Variants in ULK2 observed in about 807,000 individuals in gnomAD.
ULK2 encodes the protein serine/threonine-protein kinase ULK2.
A neutral mutation model predicts 127.5 loss-of-function variants in ULK2; 76 were observed. The ratio of observed to expected loss-of-function variants is 0.60; its 90% CI spans 0.50 to 0.72. The LOEUF is 0.72. Ranked by LOEUF, ULK2 falls within the 30% of genes least tolerant of loss-of-function variation. The pLI is 0.00. For synonymous variants in ULK2, 452 were observed against 461.9 expected, an observed-to-expected ratio of 0.98 and a Z score of 0.28; for missense variants, 1,144 against 1,295.9, an observed-to-expected ratio of 0.88 and a Z score of 1.80.
At chr17:19,828,661 T>A (rs1277865591) in intron 10 of ULK2, among the ~76,000 whole-genome samples, 1 of 152,110 alleles carries the variant, frequency 6.6e-6, no homozygotes, top group Non-Finnish European at 1.5e-5. Flanking sequence ...ATGGGAGAAA[T>A]GTGGGACAAA....
At chr17:19,864,737 C>A in intron 3 of ULK2, 66 bp downstream of exon 3, 1 of 603,084 alleles carries the variant, frequency 1.7e-6, no homozygotes, top group South Asian at 5.8e-5. Flanking sequence ...TATTAAGAGT[C>A]ACTTAAATCT....
chr17:19,831,764 T>C (rs1040125304), intron 10 of ULK2, among the ~76,000 whole-genome samples: 3 of 151,812 alleles, frequency 2.0e-5, no homozygotes. Flanking sequence ...GAGGCAGGGG[T>C]TGTAGTGAGT....
intron 3 of ULK2, among the ~76,000 whole-genome samples, chr17:19,863,008 G>A (rs1485386202): frequency 1.3e-5 from 2 of 152,094 alleles, no homozygotes; most frequent in East Asian, 3.9e-4. Context: ...GAGGTCAGGA[G>A]TTCGAGACCA....
At chr17:19,842,666 AGAG>A (rs1027694605) in intron 8 of ULK2, among the ~76,000 whole-genome samples, 4 of 152,126 alleles carry the variant, frequency 2.6e-5, no homozygotes, top group Admixed American at 6.6e-5. Flanking sequence ...ATGTTGGGGG[AGAG>A]GAGGAGAAGA....
Position 19,853,575 on chromosome 17 carries a change from C to CT in ULK2, c.226-3802dup, listed in dbSNP as rs112448802. Among the ~76,000 whole-genome samples, 416 of 144,202 alleles carry CT rather than the reference C, an allele frequency of 2.9e-3. 1 individual carries two copies. The highest frequency in any genetic ancestry group is 4.3e-3 in the Non-Finnish European group (281 of 65,344). 94.6% of individuals were successfully genotyped at this position (144,202 alleles called of 152,430 possible). On this transcript the variant is annotated intron_variant, in intron 3 of 26. Transcript: ENST00000395544. Reference sequence around the variant, plus strand: ...CATTCCTACAATTCGGCCCCACCTTCTTTTTTTTTTTTTGAGACAAGAGTC... The same window carrying CT: ...CATTCCTACAATTCGGCCCCACCTTCTTTTTTTTTTTTTTGAGACAAGAGTC...
At chr17:19,840,472 T>G (rs2041717787) in intron 9 of ULK2, 3 of 463,004 alleles carry the variant, frequency 6.5e-6, no homozygotes, top group African/African-American at 4.1e-5. Context: ...GAAAAACTTA[T>G]CCGGGAAGGA....
At chr17:19,783,931 C>T in intron 21 of ULK2, 26 bp from the exon 22 acceptor site, 1 of 1,441,144 alleles carries the variant, frequency 6.9e-7, no homozygotes, top group South Asian at 1.6e-5. Flanking sequence ...GGATACATGG[C>T]AGTGTCCAGA....
At chr17:19,844,655 T>C (rs1192178036) in intron 7 of ULK2, among the ~76,000 whole-genome samples, 3 of 152,064 alleles carry the variant, frequency 2.0e-5, no homozygotes, top group Admixed American at 6.6e-5. Flanking sequence ...CAGTTCAAAG[T>C]TGATTTTAGT....
intron 20 of ULK2, among the ~76,000 whole-genome samples, chr17:19,791,801 T>C (rs997806282): frequency 1.5e-5 from 2 of 132,064 alleles, no homozygotes; most frequent in Admixed American, 1.9e-4. Context: ...GAGATTGCAG[T>C]GCACCAAGAT....
rs1239393858 is a variant in ULK2, at chr17:19,811,335, T to C, written c.1097-897A>G. The C allele has an allele frequency of 2.6e-5, 4 of 151,744 alleles. No homozygotes were observed. The East Asian group carries it at 7.7e-4, about 29-fold the overall frequency. The allele number at this position is 151,744 out of a possible 1,614,324, so 9.4% of individuals were successfully genotyped here. A position where few individuals can be genotyped will look rare whatever the true frequency, so the allele number is the denominator to read the frequency against. ...TACATAATTTTCAAACGAAATTAAA[T>C]CAAAAGAAAATAAAATCCCTAAAAA... On this transcript the variant is annotated intron_variant, in intron 13 of 26. Coordinates refer to ENST00000395544, the MANE Select transcript of ULK2 (RefSeq NM_014683.4).
chr17:19,864,979 AAAG>A lies in ULK2; in HGVS notation c.184-138_184-136del, dbSNP rs1442386917. ...ATATTAAGACTATAAAAATTCAATT[AAAG>A]AATAAGAAATGTGCCTGATCAAACA... On this transcript the variant is annotated intron_variant, in intron 2 of 26. Coordinates refer to ENST00000395544, the MANE Select transcript of ULK2 (RefSeq NM_014683.4). 1.0e-4 allele frequency: 35 copies of A among 335,208 alleles called. No homozygotes were observed. In the East Asian group the frequency reaches 1.2e-3, roughly 11 times the overall value. 20.8% of individuals were successfully genotyped at this position (335,208 alleles called of 1,614,324 possible).
chr17:19,830,500 C>A (rs908245690), intron 10 of ULK2, among the ~76,000 whole-genome samples: 2 of 151,942 alleles, frequency 1.3e-5, no homozygotes, highest in African/African-American at 4.8e-5. Flanking sequence ...CCATGCCTGG[C>A]CCATAAATTT....
intron 17 of ULK2, among the ~76,000 whole-genome samples, chr17:19,798,990 G>A (rs1210158165): frequency 4.0e-5 from 6 of 150,704 alleles, no homozygotes; most frequent in Non-Finnish European, 7.4e-5. Context: ...GTGAAACCCC[G>A]TCTCTACTAA....
In ULK2 at chr17:19,797,600, G is replaced by A; in HGVS notation, c.1605C>T (p.Ile535=). ...TTCTGAGCTTCTGCTTGTTCTGATA[G>A]ATGTCAGTGAGGGTGGGGGCGCTCT... ...RLQSAPTLTD[I]YQNKQKLRKQ... The change falls in exon 18 of 27, where the codon ATC becomes ATT. Residue 535 remains isoleucine, a synonymous_variant. Transcript: ENST00000395544. The A allele has an allele frequency of 6.2e-7, 1 of 1,613,776 alleles. No homozygotes were observed. The highest frequency in any genetic ancestry group is 8.5e-7 in the Non-Finnish European group (1 of 1,179,954).
At chr17:19,847,696 T>C (rs1407605250) in intron 5 of ULK2, among the ~76,000 whole-genome samples, 1 of 152,114 alleles carries the variant, frequency 6.6e-6, no homozygotes, top group Non-Finnish European at 1.5e-5. Context: ...ACTACAGGCA[T>C]GTATCACCAT....
intron 10 of ULK2, among the ~76,000 whole-genome samples, chr17:19,827,131 C>T (rs1340839675): frequency 6.6e-6 from 1 of 152,148 alleles, no homozygotes; most frequent in African/African-American, 2.4e-5. Flanking sequence ...TTTAGTCCAA[C>T]TTTACAAAAC....
At chr17:19,818,755 C>T (rs969012322) in intron 12 of ULK2, among the ~76,000 whole-genome samples, 1 of 151,484 alleles carries the variant, frequency 6.6e-6, no homozygotes, top group Non-Finnish European at 1.5e-5. Context: ...ATCCCTAAAA[C>T]CCTCTCAAAT....
intron 20 of ULK2, among the ~76,000 whole-genome samples, chr17:19,792,448 T>C (rs2087175303): frequency 6.6e-6 from 1 of 152,250 alleles, no homozygotes. Flanking sequence ...CATTATGTGA[T>C]GATGCAGCAA....
At chr17:19,836,480 G>A (rs2041601100) in intron 10 of ULK2, among the ~76,000 whole-genome samples, 1 of 152,076 alleles carries the variant, frequency 6.6e-6, no homozygotes, top group African/African-American at 2.4e-5. Flanking sequence ...TACTTGGGAG[G>A]CTGAGGCAGG....
Sources: allele counts gnomAD v4.1 joint callset (sites outside exome capture counted in the v4.1 genomes callset), GRCh38; gene constraint gnomAD v4.1.1; transcripts MANE v1.5; gene names NCBI Gene and HGNC (gene_info 2026-07-23, HGNC 2026-07-21).